MBNL1: variants seen among roughly 807,000 people sequenced by gnomAD.
MBNL1 encodes muscleblind like splicing regulator 1, also known as muscleblind-like protein 1.
In MBNL1, 8 loss-of-function variants were observed where a neutral mutation model predicts 42.2. That is an observed-to-expected ratio of 0.19 (90% CI 0.11 to 0.34). The LOEUF (loss-of-function observed/expected upper bound fraction) is 0.34. Among genes scored for constraint, MBNL1 ranks in the 10% least tolerant of loss-of-function variants. The pLI is 1.00. For missense variants in MBNL1, 309 were observed against 495.3 expected (o/e 0.62, Z 3.57); for synonymous variants, 169 against 173.9 (o/e 0.97, Z 0.22).
At chr3:152,457,949 GAT>G (rs970346657) in intron 8 of MBNL1, 35 of 527,760 alleles carry the variant, frequency 6.6e-5, no homozygotes, top group South Asian at 1.4e-4. Flanking sequence ...AAAGGGAATG[GAT>G]ATATATATAC....
intron 2 of MBNL1, among the ~76,000 whole-genome samples, chr3:152,302,744 T>C (rs1418988442): frequency 6.6e-6 from 1 of 152,198 alleles, no homozygotes; most frequent in African/African-American, 2.4e-5. Flanking sequence ...GAAAAAAATT[T>C]AGAAAACTTG....
chr3:152,263,597 C>G (rs927376029), upstream of MBNL1: 2 of 152,188 alleles, frequency 1.3e-5, no homozygotes, highest in Non-Finnish European at 2.9e-5. Flanking sequence ...CTAGACAGAG[C>G]CCACTTTTGG....
rs118181838 is a variant in MBNL1 at position 152,287,398 on chromosome 3, G to A, written c.-789-12007G>A. Among the ~76,000 whole-genome samples, 199 of 152,218 alleles carry A rather than the reference G, an allele frequency of 1.3e-3. 7 individuals carry two copies. In the East Asian group the frequency reaches 0.037, roughly 28 times the overall value. On this transcript the variant is annotated intron_variant, in intron 1 of 9. Coordinates refer to ENST00000324210, the MANE Select transcript of MBNL1 (RefSeq NM_021038.5). ...ATTGTGTCACCAAATCTTTAAACAGGACATTTTATCAGAGAAGATACTCTG... is the reference window on the plus strand; with the variant it reads ...ATTGTGTCACCAAATCTTTAAACAGAACATTTTATCAGAGAAGATACTCTG...
intron 2 of MBNL1, among the ~76,000 whole-genome samples, chr3:152,333,560 G>T (rs2086936042): frequency 6.6e-6 from 1 of 152,160 alleles, no homozygotes; most frequent in South Asian, 2.1e-4. Context: ...TCTGGGTCCA[G>T]ATTTCATCTT....
intron 2 of MBNL1, among the ~76,000 whole-genome samples, chr3:152,398,095 A>G (rs554992447): frequency 3.7e-4 from 57 of 152,338 alleles, no homozygotes; most frequent in Non-Finnish European, 7.1e-4. Flanking sequence ...TCAGAGCCAC[A>G]TTTTAAAAAT....
At chr3:152,336,481 A>G (rs933988553) in intron 2 of MBNL1, among the ~76,000 whole-genome samples, 3 of 152,220 alleles carry the variant, frequency 2.0e-5, no homozygotes, top group African/African-American at 7.2e-5. Context: ...TATTTTTAAA[A>G]AATTAAGTTT....
intron 1 of MBNL1, among the ~76,000 whole-genome samples, chr3:152,296,665 G>A (rs567692101): frequency 6.3e-4 from 80 of 127,316 alleles, no homozygotes; most frequent in African/African-American, 2.3e-3. Context: ...ATTTATAGAG[G>A]CAATGATTGT....
At chr3:152,418,024 G>T (rs1005202795) in intron 3 of MBNL1, among the ~76,000 whole-genome samples, 47 of 152,178 alleles carry the variant, frequency 3.1e-4, no homozygotes, top group African/African-American at 1.1e-3. Flanking sequence ...TCTGTAGGAA[G>T]GTTTCCCATT....
intron 2 of MBNL1, among the ~76,000 whole-genome samples, chr3:152,252,513 T>C (rs1486310711): frequency 1.3e-5 from 2 of 152,084 alleles, no homozygotes; most frequent in Admixed American, 6.6e-5. Flanking sequence ...ACAAACCTGA[T>C]ACACCCTAAC....
intron 2 of MBNL1, among the ~76,000 whole-genome samples, chr3:152,390,520 C>G (rs2097664848): frequency 6.6e-6 from 1 of 151,128 alleles, no homozygotes; most frequent in African/African-American, 2.4e-5. Context: ...AGAAAGAGTA[C>G]ATGCTAATGA....
At chr3:152,428,198 GTT>G (rs2098960725) in intron 3 of MBNL1, among the ~76,000 whole-genome samples, 1 of 152,124 alleles carries the variant, frequency 6.6e-6, no homozygotes, top group Admixed American at 6.5e-5. Flanking sequence ...GTATTTGCTT[GTT>G]TCTGTGGCAG....
intron 2 of MBNL1, among the ~76,000 whole-genome samples, chr3:152,329,983 G>A (rs1007432973): frequency 7.3e-5 from 11 of 151,696 alleles, no homozygotes; most frequent in African/African-American, 2.7e-4. Flanking sequence ...AAAATATTTA[G>A]CAATCCTTAT....
At chr3:152,397,605 A>G (rs1650201763) in intron 2 of MBNL1, among the ~76,000 whole-genome samples, 2 of 152,134 alleles carry the variant, frequency 1.3e-5, no homozygotes, top group South Asian at 4.1e-4. Context: ...TCTATGTTTT[A>G]AGCATAAATA....
In MBNL1 at chr3:152,300,126, TGC is replaced by T; in HGVS notation, c.-67_-66del. ...AGTTCAGCTTTTTTTTTTTGGTTGT[TGC>T]TCTTTTTTGGGGGGGTTGGGTTTGT... On this transcript the variant is annotated 5_prime_UTR_variant, in exon 2 of 10. Coordinates refer to ENST00000324210, the MANE Select transcript of MBNL1 (RefSeq NM_021038.5). 9.7e-7 allele frequency: 1 copy of T among 1,026,884 alleles called. No homozygotes were observed. Among genetic ancestry groups the T allele is most frequent in the Middle Eastern group, 2.2e-4 (1 of 4,548 alleles). The allele number at this position is 1,026,884 out of a possible 1,614,324, so 63.6% of individuals were successfully genotyped here. A position where few individuals can be genotyped will look rare whatever the true frequency, so the allele number is the denominator to read the frequency against.
chr3:152,418,342 C>A (rs2098737213), intron 3 of MBNL1, among the ~76,000 whole-genome samples: 1 of 151,194 alleles, frequency 6.6e-6, no homozygotes, highest in Non-Finnish European at 1.5e-5. Flanking sequence ...TGGAGACACA[C>A]CACTGGCCAA....
intron 6 of MBNL1, among the ~76,000 whole-genome samples, chr3:152,453,655 C>A (rs1267213632): frequency 6.6e-6 from 1 of 152,106 alleles, no homozygotes; most frequent in African/African-American, 2.4e-5. Flanking sequence ...TTATTGCACC[C>A]TGGCTAGTAT....
At chr3:152,272,697 G>T (rs2042604051) in intron 1 of MBNL1, among the ~76,000 whole-genome samples, 1 of 152,154 alleles carries the variant, frequency 6.6e-6, no homozygotes, top group African/African-American at 2.4e-5. Context: ...TAGCAAAGGT[G>T]AAAATGTGTT....
intron 2 of MBNL1, among the ~76,000 whole-genome samples, chr3:152,408,752 T>A (rs1434822756): frequency 6.6e-6 from 1 of 151,950 alleles, no homozygotes; most frequent in Non-Finnish European, 1.5e-5. Context: ...CAAAGGGTGA[T>A]GCTGTCCTCC....
At chr3:152,350,663 C>T (rs1057031431) in intron 2 of MBNL1, among the ~76,000 whole-genome samples, 50 of 151,882 alleles carry the variant, frequency 3.3e-4, no homozygotes, top group Non-Finnish European at 1.0e-4. Flanking sequence ...AGAGATTGGC[C>T]TTGAATGGAA....
Sources: gnomAD v4.1 joint callset for allele counts (sites outside exome capture counted in the v4.1 genomes callset) on GRCh38, gnomAD v4.1.1 for gene constraint, MANE v1.5 for transcripts, NCBI Gene and HGNC (gene_info 2026-07-23, HGNC 2026-07-21) for gene names.